MALT1: variants seen among roughly 807,000 people sequenced by gnomAD.
MALT1 encodes the protein mucosa-associated lymphoid tissue lymphoma translocation protein 1.
A neutral mutation model predicts 85.5 loss-of-function variants in MALT1; 36 were observed. The ratio of observed to expected loss-of-function variants is 0.42; its 90% CI spans 0.32 to 0.56. The LOEUF (loss-of-function observed/expected upper bound fraction) is 0.56. MALT1 is among the 20% of genes least tolerant of loss of function. MALT1 has a pLI of 0.10. For missense variants in MALT1, 716 were observed against 981.6 expected (o/e 0.73, Z 3.62); for synonymous variants, 359 against 361.3 (o/e 0.99, Z 0.07).
At chr18:58,710,281 G>C (rs1241367637) in intron 6 of MALT1, among the ~76,000 whole-genome samples, 1 of 152,000 alleles carries the variant, frequency 6.6e-6, no homozygotes, top group Non-Finnish European at 1.5e-5. Context: ...AAAAGAATCA[G>C]GAAAAAAAGC....
At chr18:58,698,018 A>G (rs1425237676) in intron 3 of MALT1, among the ~76,000 whole-genome samples, 2 of 140,318 alleles carry the variant, frequency 1.4e-5, no homozygotes, top group East Asian at 4.2e-4. Flanking sequence ...GGGAAGTAAC[A>G]TGGTAGGATT....
chr18:58,682,373 A>AGG (rs1455616590), intron 2 of MALT1, among the ~76,000 whole-genome samples: 1 of 152,202 alleles, frequency 6.6e-6, no homozygotes, highest in African/African-American at 2.4e-5. Flanking sequence ...CTAATTGAAA[A>AGG]GCTTAGAGCA....
At chr18:58,693,247 C>A (rs750880485) in intron 2 of MALT1, among the ~76,000 whole-genome samples, 1 of 152,048 alleles carries the variant, frequency 6.6e-6, no homozygotes, top group African/African-American at 2.4e-5. Context: ...ATGGTGAAAC[C>A]CCGTCTTTGC....
chr18:58,676,871 A>G (rs2054247563), intron 1 of MALT1, among the ~76,000 whole-genome samples: 1 of 152,226 alleles, frequency 6.6e-6, no homozygotes, highest in Non-Finnish European at 1.5e-5. Flanking sequence ...AAGATTCCAA[A>G]TAGTAAATGT....
At chr18:58,720,372 C>G (rs1292918491) in intron 9 of MALT1, among the ~76,000 whole-genome samples, 1 of 152,142 alleles carries the variant, frequency 6.6e-6, no homozygotes, top group Non-Finnish European at 1.5e-5. Context: ...ATCTTCCATC[C>G]ACCCCAGTTC....
chr18:58,714,843 G>A (rs1385460859), intron 8 of MALT1, among the ~76,000 whole-genome samples: 1 of 152,156 alleles, frequency 6.6e-6, no homozygotes, highest in Non-Finnish European at 1.5e-5. Context: ...GTTTAAGAAG[G>A]TGGTTATGTC....
intron 9 of MALT1, among the ~76,000 whole-genome samples, chr18:58,719,316 C>CCT (rs955272000): frequency 1.4e-5 from 2 of 145,592 alleles, no homozygotes; most frequent in East Asian, 4.1e-4. Context: ...AATCTCCCTC[C>CCT]CTCTCTCTCT....
At chr18:58,704,219 G>A (rs918127891) in intron 4 of MALT1, among the ~76,000 whole-genome samples, 3 of 152,194 alleles carry the variant, frequency 2.0e-5, no homozygotes, top group African/African-American at 4.8e-5. Flanking sequence ...GAATCCTAGA[G>A]TAGATATATG....
At chr18:58,701,579 G>T (rs942194129) in intron 4 of MALT1, among the ~76,000 whole-genome samples, 2 of 152,166 alleles carry the variant, frequency 1.3e-5, no homozygotes, top group Non-Finnish European at 2.9e-5. Flanking sequence ...TCGCTTACCA[G>T]TTATGCAATT....
At chr18:58,694,230 C>T (rs2054554916) in intron 2 of MALT1, among the ~76,000 whole-genome samples, 1 of 152,212 alleles carries the variant, frequency 6.6e-6, no homozygotes, top group South Asian at 2.1e-4. Flanking sequence ...TCTAGGGCTT[C>T]TCGAGGCCCT....
chr18:58,744,252 G>T, intron 14 of MALT1, 86 bp from the exon 15 acceptor site: 1 of 840,796 alleles, frequency 1.2e-6, no homozygotes, highest in Non-Finnish European at 1.8e-6. Flanking sequence ...TTAAGCAAAA[G>T]AAATGCTAAC....
chr18:58,727,203 A>G (rs149411004), intron 10 of MALT1, among the ~76,000 whole-genome samples: 62 of 152,180 alleles, frequency 4.1e-4, no homozygotes, highest in African/African-American at 1.5e-3. Flanking sequence ...GTAGCATTCT[A>G]TTTCAGGCCT....
intron 15 of MALT1, among the ~76,000 whole-genome samples, chr18:58,745,180 G>T (rs1037357552): frequency 6.6e-6 from 1 of 152,174 alleles, no homozygotes. Context: ...CAAGCTGGGG[G>T]CCTGTGGGCT....
chr18:58,703,734 G>A (rs1025998853), intron 4 of MALT1, among the ~76,000 whole-genome samples: 10 of 152,158 alleles, frequency 6.6e-5, no homozygotes, highest in Admixed American at 5.9e-4. Flanking sequence ...ATTACAGTTC[G>A]AGATGAAATT....
chr18:58,738,408 T>G (rs1409807019), intron 13 of MALT1, among the ~76,000 whole-genome samples: 5 of 152,196 alleles, frequency 3.3e-5, no homozygotes, highest in African/African-American at 9.7e-5. Flanking sequence ...GCATTTGAGT[T>G]AGTTGTAGGT....
chr18:58,685,006 A>C (rs2144320238), intron 2 of MALT1, among the ~76,000 whole-genome samples: 1 of 152,276 alleles, frequency 6.6e-6, no homozygotes, highest in Non-Finnish European at 1.5e-5. Context: ...ACCTGCTGAT[A>C]GGTCATAGTT....
At chr18:58,729,995 T>G (rs1419157248) in intron 10 of MALT1, among the ~76,000 whole-genome samples, 1 of 152,212 alleles carries the variant, frequency 6.6e-6, no homozygotes, top group Admixed American at 6.5e-5. Flanking sequence ...AGTAACTTGC[T>G]AAGGATTCTG....
chr18:58,676,365 A>G (rs2054239798), intron 1 of MALT1, among the ~76,000 whole-genome samples: 2 of 152,058 alleles, frequency 1.3e-5, no homozygotes, highest in Admixed American at 1.3e-4. Context: ...ACCCCATTAA[A>G]AAAAAATGCC....
At chr18:58,685,273 T>G (rs2054384772) in intron 2 of MALT1, among the ~76,000 whole-genome samples, 1 of 152,200 alleles carries the variant, frequency 6.6e-6, no homozygotes, top group Non-Finnish European at 1.5e-5. Context: ...TGGTTTGGGT[T>G]ATGCTGTGAA....
Sources: gnomAD v4.1 joint callset for allele counts (sites outside exome capture counted in the v4.1 genomes callset) on GRCh38, gnomAD v4.1.1 for gene constraint, MANE v1.5 for transcripts, NCBI Gene and HGNC (gene_info 2026-07-23, HGNC 2026-07-21) for gene names.